The following SLC44A5 variants were observed in gnomAD, a reference collection of about 807,000 sequenced individuals.
SLC44A5 encodes the protein solute carrier family 44 member 5.
SLC44A5 carries 57 observed loss-of-function variants against 101.8 expected under a neutral mutation model. The observed-to-expected ratio is 0.56, with a 90% confidence interval of 0.45 to 0.70. The LOEUF (loss-of-function observed/expected upper bound fraction) is 0.70. Among genes scored for constraint, SLC44A5 ranks in the 30% least tolerant of loss-of-function variants. The pLI, the probability that SLC44A5 is intolerant of heterozygous loss-of-function variation, is 0.00. For missense variants in SLC44A5, 737 were observed against 853.1 expected, an observed-to-expected ratio of 0.86 and a Z score of 1.70; for synonymous variants, 281 against 290.9, an observed-to-expected ratio of 0.97 and a Z score of 0.35.
chr1:75,597,200 A>AC lies in SLC44A5; in HGVS notation c.-70+13839_-70+13840insG, dbSNP rs202151055. 8.8e-3 allele frequency among the ~76,000 whole-genome samples: 1,325 copies of AC among 151,306 alleles called. 24 individuals carry two copies. Among genetic ancestry groups the AC allele is most frequent in the African/African-American group, 0.03 (1,245 of 41,250 alleles). ...CAGACTTTGTCTCAAAAAAAAAAAA[A>AC]AAAGCCACAAAAAGAACAAAATACC... On this transcript the variant is annotated intron_variant, in intron 1 of 23. Transcript: ENST00000370859.
At chr1:75,513,665 A>G (rs1417441399) in intron 2 of SLC44A5, among the ~76,000 whole-genome samples, 3 of 152,220 alleles carry the variant, frequency 2.0e-5, no homozygotes, top group Non-Finnish European at 2.9e-5. Context: ...AATGCTATGC[A>G]CCAATCTTGA....
intron 1 of SLC44A5, among the ~76,000 whole-genome samples, chr1:75,567,243 G>A (rs545936031): frequency 9.9e-5 from 15 of 152,024 alleles, no homozygotes; most frequent in Non-Finnish European, 1.6e-4. Context: ...ACAGAAAAGA[G>A]AGCTACTTTC....
At chr1:75,651,531 C>T in the SLC44A5 span, among the ~76,000 whole-genome samples, 1 of 151,738 alleles carries the variant, frequency 6.6e-6, no homozygotes, top group Non-Finnish European at 1.5e-5. Flanking sequence ...CTCCTCTCTA[C>T]TAAAAAATAC....
intron 1 of SLC44A5, among the ~76,000 whole-genome samples, chr1:75,587,168 C>T (rs866210212): frequency 1.3e-5 from 2 of 152,006 alleles, no homozygotes; most frequent in Admixed American, 6.6e-5. Context: ...ACAAAATGTT[C>T]GGCCTAAAAT....
chr1:75,365,761 G>C (rs192625046), intron 3 of SLC44A5, among the ~76,000 whole-genome samples: 3 of 152,236 alleles, frequency 2.0e-5, no homozygotes, highest in Non-Finnish European at 2.9e-5. Flanking sequence ...TTTTCTAGCA[G>C]TATACTTTGT....
rs540122084 is a variant in SLC44A5 at position 75,302,777 on chromosome 1, T to G, written c.102-2092A>C. ...ACAAGCACTGCGATACTGAGACAGT[T>G]GATCTGACAAGCAAGATGGCTAGCA... On this transcript the variant is annotated intron_variant, in intron 4 of 23. Coordinates refer to ENST00000370859, the MANE Select transcript of SLC44A5 (RefSeq NM_001130058.2). Among the ~76,000 whole-genome samples the G allele has an allele frequency of 3.8e-3, 582 of 152,214 alleles. 2 individuals are homozygous for G. The highest frequency in any genetic ancestry group is 6.8e-3 in the Non-Finnish European group (461 of 68,014).
intron 3 of SLC44A5, among the ~76,000 whole-genome samples, chr1:75,387,846 T>TG (rs2101323620): frequency 7.9e-6 from 1 of 126,254 alleles, no homozygotes; most frequent in Non-Finnish European, 1.6e-5. Context: ...ATTAAGAAAA[T>TG]GTGGCACATA....
At chr1:75,608,083 T>C (rs115107417) in intron 1 of SLC44A5, among the ~76,000 whole-genome samples, 1 of 152,004 alleles carries the variant, frequency 6.6e-6, no homozygotes, top group African/African-American at 2.4e-5. Context: ...CACATATAAG[T>C]GAGATCATAC....
intron 3 of SLC44A5, among the ~76,000 whole-genome samples, chr1:75,342,993 G>A (rs1250717816): frequency 6.6e-6 from 1 of 151,966 alleles, no homozygotes; most frequent in East Asian, 1.9e-4. Context: ...TTTATATCCT[G>A]CAAATCAATA....
chr1:75,523,602 G>A (rs106252), intron 2 of SLC44A5, among the ~76,000 whole-genome samples: 18,675 of 152,132 alleles, frequency 0.12, 1,248 homozygotes, highest in Non-Finnish European at 0.15. Flanking sequence ...GATTACAGGC[G>A]TGAGCCACCA....
intron 2 of SLC44A5, among the ~76,000 whole-genome samples, chr1:75,537,496 T>C (rs1320979131): frequency 6.6e-6 from 1 of 152,088 alleles, no homozygotes; most frequent in Non-Finnish European, 1.5e-5. Flanking sequence ...GAAGCAAGTA[T>C]GTACAATTCT....
intron 2 of SLC44A5, among the ~76,000 whole-genome samples, chr1:75,501,594 A>G (rs1668961701): frequency 6.6e-6 from 1 of 152,156 alleles, no homozygotes; most frequent in East Asian, 1.9e-4. Context: ...CCACTTTCTC[A>G]TTATATTGAA....
chr1:75,333,382 A>G (rs1657193512), intron 4 of SLC44A5, among the ~76,000 whole-genome samples: 2 of 152,066 alleles, frequency 1.3e-5, no homozygotes, highest in Non-Finnish European at 2.9e-5. Context: ...TTCCACAGAA[A>G]GATATAGGTT....
Position 75,219,784 on chromosome 1 carries a change from A to G in SLC44A5, c.1178+16T>C. On this transcript the variant is annotated intron_variant, in intron 15 of 23. Transcript: ENST00000370859. ...TGTGAACCTGAGGTTTAAAGAGGCC[A>G]ATTACCAAAGGATACACTGCTGTCA... The G allele has an allele frequency of 6.3e-7, 1 of 1,577,660 alleles. No individual in the cohort carries two copies. Among genetic ancestry groups the G allele is most frequent in the Non-Finnish European group, 8.7e-7 (1 of 1,150,222 alleles).
intron 2 of SLC44A5, among the ~76,000 whole-genome samples, chr1:75,450,502 T>G (rs1051483810): frequency 5.9e-5 from 9 of 152,194 alleles, no homozygotes; most frequent in African/African-American, 2.2e-4. Flanking sequence ...AGGGCTTACA[T>G]AGCAAGAACT....
At chr1:75,349,821 T>C (rs760304545) in intron 3 of SLC44A5, among the ~76,000 whole-genome samples, 14 of 152,092 alleles carry the variant, frequency 9.2e-5, no homozygotes, top group Non-Finnish European at 1.2e-4. Flanking sequence ...AAAAAAAGGG[T>C]AAAATATGAA....
At chr1:75,455,115 C>T (rs942258064) in intron 2 of SLC44A5, among the ~76,000 whole-genome samples, 1 of 152,078 alleles carries the variant, frequency 6.6e-6, no homozygotes, top group African/African-American at 2.4e-5. Flanking sequence ...TACCAAACTT[C>T]AAACTATATT....
chr1:75,374,729 C>A (rs1228425893), intron 3 of SLC44A5, among the ~76,000 whole-genome samples: 1 of 152,154 alleles, frequency 6.6e-6, no homozygotes, highest in Non-Finnish European at 1.5e-5. Flanking sequence ...CCTGGAGACC[C>A]ATGCAGGAAA....
intron 2 of SLC44A5, among the ~76,000 whole-genome samples, chr1:75,449,884 C>A (rs1469572849): frequency 6.6e-6 from 1 of 152,004 alleles, no homozygotes; most frequent in East Asian, 1.9e-4. Context: ...GCCTGTAGTA[C>A]CAGCTACTCA....
Sources: gnomAD v4.1 joint callset for allele counts (sites outside exome capture counted in the v4.1 genomes callset) on GRCh38, gnomAD v4.1.1 for gene constraint, MANE v1.5 for transcripts, NCBI Gene and HGNC (gene_info 2026-07-23, HGNC 2026-07-21) for gene names.